SLC35D4: variants seen among roughly 807,000 people sequenced by gnomAD.
SLC35D4 encodes solute carrier family 35 member D4, also known as UDP-N-acetylglucosamine transporter SLC35D4.
the SLC35D4 span, among the ~76,000 whole-genome samples, chr18:23,337,473 T>A: frequency 6.8e-6 from 1 of 146,136 alleles, no homozygotes; most frequent in Non-Finnish European, 1.5e-5. Flanking sequence ...AGACTCCGTC[T>A]CAAAAAAAAA....
chr18:23,403,602 A>G, the SLC35D4 span, among the ~76,000 whole-genome samples: 1 of 152,214 alleles, frequency 6.6e-6, no homozygotes, highest in South Asian at 2.1e-4. Context: ...GTATTTTGAC[A>G]AGGTTGCTCT....
chr18:23,256,301 C>T, the SLC35D4 span, among the ~76,000 whole-genome samples: 2 of 152,138 alleles, frequency 1.3e-5, no homozygotes, highest in Non-Finnish European at 2.9e-5. Flanking sequence ...TGGGTGGGCA[C>T]GCAAGATGCC....
chr18:23,423,294 T>TA, the SLC35D4 span, among the ~76,000 whole-genome samples: 1 of 152,220 alleles, frequency 6.6e-6, no homozygotes, highest in African/African-American at 2.4e-5. Context: ...TGTGTGAAGT[T>TA]TCACTGACCC....
chr18:23,256,960 C>T, the SLC35D4 span, among the ~76,000 whole-genome samples: 1 of 152,144 alleles, frequency 6.6e-6, no homozygotes, highest in Admixed American at 6.5e-5. Flanking sequence ...GGAGCATGAA[C>T]CATGTCATAT....
the SLC35D4 span, among the ~76,000 whole-genome samples, chr18:23,436,831 G>C: frequency 6.6e-6 from 1 of 152,114 alleles, no homozygotes; most frequent in East Asian, 1.9e-4. Context: ...GAAGGAAAGG[G>C]GGTTGGGGAG....
At chr18:23,383,241 G>C in the SLC35D4 span, among the ~76,000 whole-genome samples, 1 of 152,074 alleles carries the variant, frequency 6.6e-6, no homozygotes, top group Non-Finnish European at 1.5e-5. Context: ...AATGGGTGTG[G>C]ATGAGATTTT....
chr18:23,318,586 A>G, the SLC35D4 span, among the ~76,000 whole-genome samples: 2,131 of 152,314 alleles, frequency 0.014, 46 homozygotes, highest in African/African-American at 0.049. Context: ...TCATAGAGCC[A>G]TTCATTTATT....
At chr18:23,314,453 C>T in the SLC35D4 span, among the ~76,000 whole-genome samples, 2 of 152,172 alleles carry the variant, frequency 1.3e-5, no homozygotes, top group Non-Finnish European at 2.9e-5. Flanking sequence ...CTGCAATGTG[C>T]TTACCCTGGG....
At chr18:23,275,183 G>A in the SLC35D4 span, among the ~76,000 whole-genome samples, 1 of 151,930 alleles carries the variant, frequency 6.6e-6, no homozygotes, top group Non-Finnish European at 1.5e-5. Flanking sequence ...GGGCAGCAGA[G>A]GGTGGGAACT....
chr18:23,283,808 CAAAA>C, the SLC35D4 span, among the ~76,000 whole-genome samples: 1 of 95,302 alleles, frequency 1.0e-5, no homozygotes, highest in African/African-American at 3.4e-5. Context: ...GACTCCATCT[CAAAA>C]AAAAAAAAAA....
chr18:23,239,361 G>A, the SLC35D4 span, among the ~76,000 whole-genome samples: 1 of 152,214 alleles, frequency 6.6e-6, no homozygotes, highest in East Asian at 1.9e-4. Flanking sequence ...TCGGCTCCTG[G>A]AGACCTATGT....
At chr18:23,417,565 T>C in the SLC35D4 span, among the ~76,000 whole-genome samples, 3 of 152,128 alleles carry the variant, frequency 2.0e-5, no homozygotes, top group Admixed American at 2.0e-4. Flanking sequence ...GAGTTTATGT[T>C]TGGAATGATG....
chr18:23,309,149 C>T, the SLC35D4 span, among the ~76,000 whole-genome samples: 1 of 151,218 alleles, frequency 6.6e-6, no homozygotes, highest in Non-Finnish European at 1.5e-5. Flanking sequence ...CAGATGCAAC[C>T]ATTGCAGGCC....
the SLC35D4 span, among the ~76,000 whole-genome samples, chr18:23,381,405 T>A: frequency 6.6e-6 from 1 of 152,168 alleles, no homozygotes; most frequent in African/African-American, 2.4e-5. Flanking sequence ...AGTGGCACAA[T>A]CATGGCTCAC....
At chr18:23,416,270 C>A in the SLC35D4 span, among the ~76,000 whole-genome samples, 1 of 152,142 alleles carries the variant, frequency 6.6e-6, no homozygotes, top group Non-Finnish European at 1.5e-5. Flanking sequence ...GTTAGAAGGG[C>A]AATCTAAATG....
At chr18:23,309,838 C>T in the SLC35D4 span, 54 of 1,202,716 alleles carry the variant, frequency 4.5e-5, no homozygotes, top group South Asian at 3.3e-4. Flanking sequence ...CACTTGAGTT[C>T]GGATGCCTGC....
At chr18:23,302,134 G>A in the SLC35D4 span, among the ~76,000 whole-genome samples, 1 of 152,240 alleles carries the variant, frequency 6.6e-6, no homozygotes, top group African/African-American at 2.4e-5. Flanking sequence ...CAGCCTGGTG[G>A]GAGAGATGGC....
chr18:23,437,318 A>C, the SLC35D4 span, among the ~76,000 whole-genome samples: 2 of 152,188 alleles, frequency 1.3e-5, no homozygotes, highest in African/African-American at 4.8e-5. Context: ...AAAAAAATTG[A>C]TTCGGGAATC....
At chr18:23,270,004 C>T in the SLC35D4 span, among the ~76,000 whole-genome samples, 1 of 152,190 alleles carries the variant, frequency 6.6e-6, no homozygotes, top group South Asian at 2.1e-4. Context: ...GCATAAATAA[C>T]AAGGAGGCAA....
Sources: allele counts gnomAD v4.1 joint callset (sites outside exome capture counted in the v4.1 genomes callset), GRCh38; gene constraint gnomAD v4.1.1; transcripts MANE v1.5; gene names NCBI Gene and HGNC (gene_info 2026-07-23, HGNC 2026-07-21).